CHAC1: variants seen among roughly 807,000 people sequenced by gnomAD.
The protein encoded by CHAC1 is glutathione-specific gamma-glutamylcyclotransferase 1.
Under a neutral mutation model 22.1 loss-of-function variants are expected in CHAC1, and 22 were observed. The observed-to-expected ratio is 1.00, with a 90% CI of 0.71 to 1.42. The LOEUF is 1.42. CHAC1 is among the 40% of genes most tolerant of loss of function. The pLI is 0.00. For missense variants in CHAC1, 272 were observed against 299.2 expected (o/e 0.91, Z 0.67); for synonymous variants, 145 against 128.7 (o/e 1.13, Z -0.86).
In CHAC1 at chr15:40,955,394, T is replaced by C. The variant is rs1438777251; in HGVS notation, c.289T>C (p.Tyr97His). Residue 97 changes from tyrosine (Y) to histidine (H), a missense_variant, in exon 3 of 3, where the codon TAC becomes CAC. Physicochemically the swap from Tyr to His is moderately conservative, Grantham distance 83. Transcript: ENST00000617768. ...DHEGCTWGVA[Y>H]QVQGEQVSKA... ...CCAGGGCTGCACTTGGGGCGTGGCA[T>C]ACCAAGTGCAAGGGGAGCAGGTAAG... The C allele has an allele frequency of 1.9e-6, 3 of 1,613,944 alleles. No individual in the cohort carries two copies. The highest frequency in any genetic ancestry group is 2.5e-6 in the Non-Finnish European group (3 of 1,179,942).
At chr15:40,954,753 G>A (rs551177237) in intron 2 of CHAC1, among the ~76,000 whole-genome samples, 2 of 151,596 alleles carry the variant, frequency 1.3e-5, no homozygotes, top group Admixed American at 1.3e-4. Flanking sequence ...ACAGGCATGC[G>A]CTACCACACT....
intron 1 of CHAC1, 142 bp downstream of exon 1, chr15:40,953,956 G>A (rs144833003): frequency 4.0e-5 from 29 of 727,374 alleles, no homozygotes; most frequent in African/African-American, 3.7e-4. Context: ...TCATTTAAAT[G>A]TATGTGCCCA....
chr15:40,954,915 C>CTTT (rs60132729), intron 2 of CHAC1, among the ~76,000 whole-genome samples: 155 of 139,870 alleles, frequency 1.1e-3, no homozygotes, highest in African/African-American at 4.0e-3. Flanking sequence ...TCAACTATGC[C>CTTT]TTTTTTTTTT....
chr15:40,955,365 C>A lies in CHAC1; in HGVS notation c.268-8C>A, dbSNP rs1008347054. 1.2e-6 allele frequency: 2 copies of A among 1,613,032 alleles called. No homozygotes were observed. Among genetic ancestry groups the A allele is most frequent in the African/African-American group, 1.3e-5 (1 of 74,924 alleles). ...TGACTGACCCCGGGTGTCCCTATTT[C>A]TTCCCAGGGCTGCACTTGGGGCGTG... is the stretch of plus-strand genomic sequence containing the variant. On this transcript the variant is annotated splice_polypyrimidine_tract_variant and splice_region_variant and intron_variant, in intron 2 of 2. Transcript: ENST00000617768.
chr15:40,954,190 C>T, intron 1 of CHAC1, 38 bp from the exon 2 acceptor site: 1 of 1,611,716 alleles, frequency 6.2e-7, no homozygotes, highest in Non-Finnish European at 8.5e-7. Flanking sequence ...GAGCTGATTT[C>T]TAACTTGTCT....
Position 40,955,530 on chromosome 15 carries a change from C to A in CHAC1, c.425C>A (p.Ala142Asp). The change falls in exon 3 of 3, where the codon GCC becomes GAC. Residue 142 changes from alanine (A) to aspartate (D), a missense_variant. Transcript: ENST00000617768. ...CCTGACCAACCACTGAAGGCATTGG[C>A]CTATGTGGCCACCCCACAGAACCCT... ...DAPDQPLKALAYVATPQNPGY... is the reference protein window; with the variant it reads ...DAPDQPLKALDYVATPQNPGY... The A allele has an allele frequency of 6.2e-7, 1 of 1,614,182 alleles. No individual in the cohort carries two copies. The highest frequency in any genetic ancestry group is 8.5e-7 in the Non-Finnish European group (1 of 1,180,038).
At chr15:40,954,080 C>T (rs780734582) in intron 1 of CHAC1, 148 bp from the exon 2 acceptor site, 80 of 821,244 alleles carry the variant, frequency 9.7e-5, no homozygotes, top group Middle Eastern at 5.7e-4. Context: ...CCGTGCATCG[C>T]TCCCCCACCT....
chr15:40,953,857 C>T (rs759955414), intron 1 of CHAC1, 43 bp downstream of exon 1: 4 of 1,467,908 alleles, frequency 2.7e-6, no homozygotes, highest in Admixed American at 2.0e-5. Flanking sequence ...GGGTTGGGGG[C>T]GGGATACTGG....
intron 2 of CHAC1, among the ~76,000 whole-genome samples, chr15:40,954,940 T>C (rs907925998): frequency 3.6e-5 from 5 of 138,172 alleles, no homozygotes; most frequent in Non-Finnish European, 6.1e-5. Context: ...TAAGACGGAG[T>C]CTTACCCTTG....
intron 1 of CHAC1, among the ~76,000 whole-genome samples, 184 bp from the exon 2 acceptor site, chr15:40,954,044 A>G (rs1893172954): frequency 6.8e-6 from 1 of 147,800 alleles, no homozygotes; most frequent in South Asian, 2.2e-4. Flanking sequence ...CTGACATGTC[A>G]GTGTTTCTGG....
chr15:40,955,569 C>G lies in CHAC1; in HGVS notation c.464C>G (p.Pro155Arg), dbSNP rs1770904341. 1 of 1,614,020 alleles carries G rather than the reference C, an allele frequency of 6.2e-7. No individual in the cohort carries two copies. Among genetic ancestry groups the G allele is most frequent in the Admixed American group, 1.7e-5 (1 of 60,018 alleles). The change falls in exon 3 of 3, where the codon CCT becomes CGT. Residue 155 changes from proline to arginine, a missense_variant. Pro to Arg is a moderately radical substitution (Grantham distance 103). Transcript: ENST00000617768. ...CCACAGAACCCTGGTTACCTGGGCC[C>G]TGCGCCTGAAGAGGCCATTGCCACG... Reference protein sequence around the residue: ...ATPQNPGYLGPAPEEAIATQI... With the variant: ...ATPQNPGYLGRAPEEAIATQI...
intron 2 of CHAC1, 101 bp from the exon 3 acceptor site, chr15:40,955,272 C>A: frequency 7.5e-7 from 1 of 1,339,630 alleles, no homozygotes; most frequent in East Asian, 2.3e-5. Context: ...CACAGCCTCC[C>A]TTATAGAGCA....
chr15:40,954,464 G>A (rs1893183428), intron 2 of CHAC1, among the ~76,000 whole-genome samples: 1 of 152,196 alleles, frequency 6.6e-6, no homozygotes. Flanking sequence ...GCATGAGAAT[G>A]GGTCCTGAGA....
At chr15:40,953,913 G>A in intron 1 of CHAC1, 99 bp downstream of exon 1, 1 of 922,478 alleles carries the variant, frequency 1.1e-6, no homozygotes, top group Non-Finnish European at 1.6e-6. Flanking sequence ...CCAATAGAAA[G>A]AAATGTGTAA....
In CHAC1 at chr15:40,954,272, CCGAA is replaced by C. The variant is rs1484980018; in HGVS notation, c.267+10_267+13del. On this transcript the variant is annotated intron_variant, in intron 2 of 2. Coordinates refer to ENST00000617768, the MANE Select transcript of CHAC1 (RefSeq NM_024111.6). ...TCCTTGAAGATCATGAGGTAAGTGC[CCGAA>C]TCATGAAGGGGAACCCTGGCCCAGT... is the stretch of plus-strand genomic sequence containing the variant. The C allele has an allele frequency of 6.2e-7, 1 of 1,613,816 alleles. No homozygotes were observed. The highest frequency in any genetic ancestry group is 1.3e-5 in the African/African-American group (1 of 74,912).
intron 1 of CHAC1, 52 bp downstream of exon 1, chr15:40,953,866 G>C: frequency 1.4e-6 from 2 of 1,387,816 alleles, no homozygotes; most frequent in Non-Finnish European, 2.0e-6. Context: ...GCGGGATACT[G>C]GGCGCCAGTG....
At chr15:40,955,244 G>C (rs1893212070) in intron 2 of CHAC1, 129 bp from the exon 3 acceptor site, 1 of 924,190 alleles carries the variant, frequency 1.1e-6, no homozygotes, top group Non-Finnish European at 1.7e-6. Context: ...ACTGCCACCA[G>C]ATGGCTCATC....
At position 40,955,967 on chromosome 15, in the gene CHAC1, CTT is replaced by C. The variant is rs1893237922; in HGVS notation, c.*195_*196del. On this transcript the variant is annotated 3_prime_UTR_variant, in exon 3 of 3. Transcript: ENST00000617768. ...CTTGACACTGACTTACTACTTGAAA[CTT>C]TATTTATTGCACCATGTTGGTGTGG... 4 of 624,166 alleles carry C rather than the reference CTT, an allele frequency of 6.4e-6. No individual in the cohort carries two copies. In the Admixed American group the frequency reaches 1.2e-4, roughly 19 times the overall value. 38.7% of individuals were successfully genotyped at this position (624,166 alleles called of 1,614,324 possible).
At chr15:40,954,339 G>C in intron 2 of CHAC1, 76 bp downstream of exon 2, 1 of 1,452,980 alleles carries the variant, frequency 6.9e-7, no homozygotes, top group Non-Finnish European at 9.7e-7. Context: ...ATAGGCTCTT[G>C]GCTGCAGGCT....
Sources: allele counts gnomAD v4.1 joint callset (sites outside exome capture counted in the v4.1 genomes callset), GRCh38; gene constraint gnomAD v4.1.1; transcripts MANE v1.5; gene names NCBI Gene and HGNC (gene_info 2026-07-23, HGNC 2026-07-21).